The following EYS variants were observed in gnomAD, a reference collection of about 807,000 sequenced individuals.
The protein encoded by EYS is protein eyes shut homolog.
A neutral mutation model predicts 282.1 loss-of-function variants in EYS; 250 were observed. The ratio of observed to expected loss-of-function variants is 0.89; its 90% CI spans 0.80 to 0.98. The LOEUF (loss-of-function observed/expected upper bound fraction) is 0.98, where lower values mean the gene tolerates loss of function less well. EYS is among the 50% of genes least tolerant of loss of function. EYS has a pLI of 0.00. For synonymous variants in EYS, 1,355 were observed against 1,282.9 expected (o/e 1.06, Z -1.20); for missense variants, 4,016 against 3,709.0 (o/e 1.08, Z -2.15).
At chr6:64,798,370 T>G (rs780365804) in intron 22 of EYS, among the ~76,000 whole-genome samples, 1 of 151,946 alleles carries the variant, frequency 6.6e-6, no homozygotes, top group African/African-American at 2.4e-5. Context: ...AAAATATGTT[T>G]AAAAATAAGC....
chr6:64,309,897 G>A (rs1309691759), intron 29 of EYS, among the ~76,000 whole-genome samples: 3 of 151,034 alleles, frequency 2.0e-5, no homozygotes, highest in African/African-American at 4.9e-5. Context: ...CCTTGGAGGA[G>A]GAGGTTGCAG....
At chr6:65,228,895 G>A (rs1766697601) in intron 12 of EYS, among the ~76,000 whole-genome samples, 2 of 151,966 alleles carry the variant, frequency 1.3e-5, no homozygotes, top group Non-Finnish European at 2.9e-5. Context: ...CAGTGTAAAG[G>A]CGATTCAGTG....
At chr6:65,566,827 CAA>C (rs1456398041) in intron 2 of EYS, among the ~76,000 whole-genome samples, 3 of 151,986 alleles carry the variant, frequency 2.0e-5, no homozygotes, top group Admixed American at 6.6e-5. Context: ...AAATCATATC[CAA>C]AGAGTTAGCT....
At chr6:65,555,855 G>T (rs1204333091) in intron 2 of EYS, among the ~76,000 whole-genome samples, 1 of 152,150 alleles carries the variant, frequency 6.6e-6, no homozygotes, top group Non-Finnish European at 1.5e-5. Context: ...ACAGTAAAAA[G>T]ATGAATACTG....
intron 5 of EYS, among the ~76,000 whole-genome samples, chr6:65,487,123 T>C: frequency 6.6e-6 from 1 of 152,048 alleles, no homozygotes; most frequent in South Asian, 2.1e-4. Flanking sequence ...TCTGCAAAAA[T>C]AGACAATTTG....
chr6:64,414,202 TGAAGA>T (rs1390330329), intron 28 of EYS, among the ~76,000 whole-genome samples: 8 of 152,066 alleles, frequency 5.3e-5, no homozygotes, highest in Non-Finnish European at 1.0e-4. Context: ...TCCTGAGAAA[TGAAGA>T]GAAATTAAAA....
At chr6:64,585,502 T>C (rs1034511690) in intron 26 of EYS, among the ~76,000 whole-genome samples, 1 of 152,146 alleles carries the variant, frequency 6.6e-6, no homozygotes, top group African/African-American at 2.4e-5. Context: ...TTTAATGTTT[T>C]GTTTTGCAAT....
At chr6:65,133,319 A>G (rs2150203778) in intron 12 of EYS, among the ~76,000 whole-genome samples, 1 of 152,072 alleles carries the variant, frequency 6.6e-6, no homozygotes, top group East Asian at 1.9e-4. Flanking sequence ...ACACCAAACA[A>G]GCAAACAACA....
intron 22 of EYS, chr6:64,733,601 A>T (rs1308889852): frequency 6.3e-6 from 1 of 158,136 alleles, no homozygotes. Context: ...TCCAGTCTTC[A>T]TTCTCCAGAA....
chr6:64,470,009 C>G (rs1342986323), intron 26 of EYS, among the ~76,000 whole-genome samples: 1 of 152,190 alleles, frequency 6.6e-6, no homozygotes, highest in African/African-American at 2.4e-5. Flanking sequence ...CAGGGAAGGG[C>G]CCCCTATCCA....
chr6:63,937,286 AT>A (rs1765086114), intron 35 of EYS, among the ~76,000 whole-genome samples: 2 of 134,688 alleles, frequency 1.5e-5, no homozygotes, highest in Non-Finnish European at 3.1e-5. Context: ...CAGATGTGCT[AT>A]TATCTGAAGT....
chr6:64,840,753 A>G (rs1044813273), intron 19 of EYS, among the ~76,000 whole-genome samples: 3 of 152,284 alleles, frequency 2.0e-5, no homozygotes, highest in African/African-American at 4.8e-5. Flanking sequence ...TTTCTTTTTT[A>G]TAATTGACCT....
intron 30 of EYS, among the ~76,000 whole-genome samples, chr6:64,300,287 C>CA (rs373067684): frequency 0.01 from 1,570 of 152,210 alleles, 18 homozygotes; most frequent in East Asian, 0.029. Context: ...CGGCAGGGGG[C>CA]AGAAGCAACA....
intron 2 of EYS, among the ~76,000 whole-genome samples, chr6:65,617,880 A>G (rs1766273710): frequency 6.6e-6 from 1 of 151,838 alleles, no homozygotes; most frequent in Admixed American, 6.6e-5. Context: ...AAGGACATGA[A>G]CTCATCATTT....
chr6:65,365,285 TG>T (rs1490812878), intron 8 of EYS, among the ~76,000 whole-genome samples: 1 of 151,720 alleles, frequency 6.6e-6, no homozygotes, highest in Non-Finnish European at 1.5e-5. Context: ...GGAGGATTCC[TG>T]TTTTGGCCCT....
intron 19 of EYS, among the ~76,000 whole-genome samples, chr6:64,874,154 A>G (rs2150055966): frequency 6.6e-6 from 1 of 152,190 alleles, no homozygotes; most frequent in African/African-American, 2.4e-5. Context: ...TGACTTTCGG[A>G]GATGCCATCA....
chr6:63,921,513 C>T (rs895330261), intron 35 of EYS, among the ~76,000 whole-genome samples: 5 of 152,216 alleles, frequency 3.3e-5, no homozygotes, highest in Non-Finnish European at 7.3e-5. Context: ...TGGGTTTGGA[C>T]ATATGCGGTG....
At chr6:65,446,653 C>T (rs183575215) in intron 5 of EYS, among the ~76,000 whole-genome samples, 154 of 151,810 alleles carry the variant, frequency 1.0e-3, no homozygotes, top group African/African-American at 3.6e-3. Context: ...GTCACAGTAA[C>T]GAAAAGCAAA....
Position 63,999,147 on chromosome 6 carries a change from AC to A in EYS, c.6761del (p.Cys2254LeufsTer2). 6.4e-7 allele frequency: 1 copy of A among 1,551,650 alleles called. No homozygotes were observed. The highest frequency in any genetic ancestry group is 8.7e-7 in the Non-Finnish European group (1 of 1,146,876). ...TTPVGSPGVV[C>X]MIEMTADGKP... ...TTCCATCTGCAGTCATTTCAATCAT[AC>A]AAACAACTCCAGGGCTGCCAACAGG... is the stretch of plus-strand genomic sequence containing the variant. On this transcript the variant is annotated frameshift_variant, in exon 34 of 43. Transcript: ENST00000503581. LOFTEE classifies it high-confidence loss of function.
Sources: gnomAD v4.1 joint callset for allele counts (sites outside exome capture counted in the v4.1 genomes callset) on GRCh38, gnomAD v4.1.1 for gene constraint, MANE v1.5 for transcripts, NCBI Gene and HGNC (gene_info 2026-07-23, HGNC 2026-07-21) for gene names.